ROR1: variants seen among roughly 807,000 people sequenced by gnomAD.
The protein encoded by ROR1 is inactive tyrosine-protein kinase transmembrane receptor ROR1.
In ROR1, 19 loss-of-function variants were observed where a neutral mutation model predicts 78.8. The ratio of observed to expected loss-of-function variants is 0.24; its 90% CI spans 0.17 to 0.35. The LOEUF is 0.35. ROR1 is among the 10% of genes least tolerant of loss of function. The pLI, the probability that ROR1 is intolerant of heterozygous loss-of-function variation, is 1.00. For missense variants in ROR1, 917 were observed against 1,177.8 expected, an observed-to-expected ratio of 0.78 and a Z score of 3.24; for synonymous variants, 386 against 433.6, an observed-to-expected ratio of 0.89 and a Z score of 1.36.
intron 1 of ROR1, among the ~76,000 whole-genome samples, chr1:63,871,596 C>T (rs569558849): frequency 3.1e-4 from 47 of 152,194 alleles, no homozygotes; most frequent in Non-Finnish European, 6.0e-4. Context: ...ACCGGTTTCT[C>T]TACCCAACTT....
intron 1 of ROR1, among the ~76,000 whole-genome samples, chr1:63,845,758 T>G (rs892587408): frequency 3.9e-5 from 6 of 152,158 alleles, no homozygotes; most frequent in Non-Finnish European, 7.4e-5. Flanking sequence ...CTTTTGGGAG[T>G]GTCTGCTGTG....
At chr1:64,083,416 CAT>C (rs1158785740) in intron 4 of ROR1, among the ~76,000 whole-genome samples, 1 of 151,924 alleles carries the variant, frequency 6.6e-6, no homozygotes, top group African/African-American at 2.4e-5. Context: ...GAAAAAGAAA[CAT>C]AGTGGGAAAT....
intron 1 of ROR1, among the ~76,000 whole-genome samples, chr1:63,868,278 G>T (rs1195835967): frequency 6.6e-6 from 1 of 152,134 alleles, no homozygotes; most frequent in Non-Finnish European, 1.5e-5. Context: ...CTGCTTACCT[G>T]TGTGCTGTTG....
intron 4 of ROR1, 129 bp from the exon 5 acceptor site, chr1:64,137,240 G>C (rs1569837024): frequency 1.1e-6 from 1 of 878,428 alleles, no homozygotes; most frequent in East Asian, 2.7e-5. Flanking sequence ...CAATTCCTTA[G>C]CCCAGTCTTT....
At chr1:64,024,034 T>A (rs1176492404) in intron 2 of ROR1, among the ~76,000 whole-genome samples, 1 of 152,182 alleles carries the variant, frequency 6.6e-6, no homozygotes, top group East Asian at 1.9e-4. Flanking sequence ...TGTCACCTTG[T>A]AAAGAAAGTG....
At chr1:63,835,536 A>G (rs1011408876) in intron 1 of ROR1, among the ~76,000 whole-genome samples, 9 of 152,174 alleles carry the variant, frequency 5.9e-5, no homozygotes, top group Non-Finnish European at 1.3e-4. Context: ...GTATTTTGAT[A>G]CCTACTGTGT....
At chr1:63,973,075 G>A (rs1316615089) in intron 1 of ROR1, among the ~76,000 whole-genome samples, 3 of 152,194 alleles carry the variant, frequency 2.0e-5, no homozygotes, top group African/African-American at 7.2e-5. Flanking sequence ...TAGCCCCCAT[G>A]TGGGTCTCAC....
chr1:64,093,200 T>G (rs748267899), intron 4 of ROR1, among the ~76,000 whole-genome samples: 5 of 152,206 alleles, frequency 3.3e-5, no homozygotes, highest in Non-Finnish European at 7.3e-5. Flanking sequence ...CTGGACAAGC[T>G]GGATGAGTCT....
intron 1 of ROR1, among the ~76,000 whole-genome samples, chr1:63,993,075 T>G (rs285362): frequency 0.74 from 112,937 of 152,068 alleles, 43,080 homozygotes; most frequent in East Asian, 0.95. Flanking sequence ...GATACCTAAG[T>G]GACTGTTTAC....
intron 1 of ROR1, among the ~76,000 whole-genome samples, chr1:63,946,355 T>C (rs1645889562): frequency 6.6e-6 from 1 of 152,206 alleles, no homozygotes; most frequent in Non-Finnish European, 1.5e-5. Context: ...CCAGCGTTTT[T>C]CCCCAATGTC....
chr1:64,136,162 A>G (rs7528814), intron 4 of ROR1, among the ~76,000 whole-genome samples: 45,746 of 152,056 alleles, frequency 0.3, 9,723 homozygotes, highest in African/African-American at 0.6. Flanking sequence ...TGATGGGATC[A>G]TAATGACTTT....
At chr1:63,779,300 T>G (rs568709815) in intron 1 of ROR1, among the ~76,000 whole-genome samples, 62 of 152,312 alleles carry the variant, frequency 4.1e-4, no homozygotes, top group African/African-American at 1.4e-3. Context: ...TTTATTAGAG[T>G]GCTGTCTAGT....
intron 1 of ROR1, among the ~76,000 whole-genome samples, chr1:63,979,547 G>A (rs1037176098): frequency 6.6e-6 from 1 of 152,200 alleles, no homozygotes; most frequent in Non-Finnish European, 1.5e-5. Context: ...GAGAGGGAGG[G>A]ATAGGTGAGG....
intron 1 of ROR1, among the ~76,000 whole-genome samples, chr1:63,968,821 C>A (rs1646096477): frequency 6.6e-6 from 1 of 152,290 alleles, no homozygotes; most frequent in East Asian, 1.9e-4. Flanking sequence ...ACCACAGCAG[C>A]ACAGCCAGCA....
Position 64,140,191 on chromosome 1 carries a change from C to T in ROR1, c.693C>T (p.Ala231=), listed in dbSNP as rs754019869. Reference sequence around the variant, plus strand: ...CCATTCCTTCCCTGTGCCACTATGCCTTCCCGTACTGCGATGAAACTTCAT... The same window carrying T: ...CCATTCCTTCCCTGTGCCACTATGCTTTCCCGTACTGCGATGAAACTTCAT... The part of the protein sequence containing the change: ...QFAIPSLCHY[A]FPYCDETSSV... The change falls in exon 6 of 9, where the codon GCC becomes GCT. Residue 231 remains alanine, a synonymous_variant. Transcript: ENST00000371079. 1.9e-6 allele frequency: 3 copies of T among 1,614,128 alleles called. No individual in the cohort carries two copies. The East Asian group carries it at 6.7e-5, about 36-fold the overall frequency.
At position 64,082,233 on chromosome 1, in the gene ROR1, C is replaced by T. The variant is rs140923161; in HGVS notation, c.482+31517C>T. Among the ~76,000 whole-genome samples the T allele has an allele frequency of 5.9e-3, 896 of 152,164 alleles. 17 individuals are homozygous for T. Among genetic ancestry groups the T allele is most frequent in the Middle Eastern group, 0.01 (3 of 294 alleles). ...GCCAGAGAAGGGAATAAGTTCGTGG[C>T]AGTAATCCATATGAGATAATAACCT... On this transcript the variant is annotated intron_variant, in intron 4 of 8. Coordinates refer to ENST00000371079, the MANE Select transcript of ROR1 (RefSeq NM_005012.4).
chr1:63,833,590 T>G (rs1014302490), intron 1 of ROR1, among the ~76,000 whole-genome samples: 12 of 152,180 alleles, frequency 7.9e-5, no homozygotes, highest in Non-Finnish European at 7.4e-5. Flanking sequence ...AAGCTCTGAT[T>G]GGCTGCTCTG....
At chr1:64,018,007 T>C (rs928196883) in intron 2 of ROR1, among the ~76,000 whole-genome samples, 1 of 152,166 alleles carries the variant, frequency 6.6e-6, no homozygotes, top group African/African-American at 2.4e-5. Context: ...GGCTGTTTTT[T>C]CCTTGCCTGT....
At chr1:63,894,183 A>G (rs1489430907) in intron 1 of ROR1, among the ~76,000 whole-genome samples, 1 of 152,122 alleles carries the variant, frequency 6.6e-6, no homozygotes, top group Non-Finnish European at 1.5e-5. Context: ...AATATGCTGG[A>G]CAAAGGGGTG....
Sources: allele counts gnomAD v4.1 joint callset (sites outside exome capture counted in the v4.1 genomes callset), GRCh38; gene constraint gnomAD v4.1.1; transcripts MANE v1.5; gene names NCBI Gene and HGNC (gene_info 2026-07-23, HGNC 2026-07-21).